The following RIMKLB variants were observed in gnomAD, a reference collection of about 807,000 sequenced individuals.
RIMKLB encodes the protein ribosomal modification protein rimK like family member B, also known as beta-citrylglutamate synthase B.
In RIMKLB, 7 loss-of-function variants were observed where a neutral mutation model predicts 32.0. The observed-to-expected ratio is 0.22, with a 90% confidence interval of 0.12 to 0.41. The LOEUF (loss-of-function observed/expected upper bound fraction) is 0.41, where lower values mean the gene tolerates loss of function less well. Ranked by LOEUF, RIMKLB falls within the 10% of genes least tolerant of loss-of-function variation. RIMKLB has a pLI of 1.00. For missense variants in RIMKLB, 289 were observed against 498.7 expected (o/e 0.58, Z 4.00); for synonymous variants, 172 against 185.1 (o/e 0.93, Z 0.57).
chr12:8,712,733 G>GTT (rs1204599466), intron 1 of RIMKLB, among the ~76,000 whole-genome samples: 1 of 152,216 alleles, frequency 6.6e-6, no homozygotes, highest in Non-Finnish European at 1.5e-5. Context: ...CGTGTGCACT[G>GTT]TGGAGCAGGC....
intron 1 of RIMKLB, among the ~76,000 whole-genome samples, chr12:8,682,772 CA>C (rs1222289479): frequency 2.5e-5 from 2 of 80,638 alleles, no homozygotes; most frequent in Admixed American, 1.4e-4. Flanking sequence ...GATTCCGCCT[CA>C]AAAAAAAATA....
chr12:8,714,968 T>C (rs1944685058), intron 2 of RIMKLB, among the ~76,000 whole-genome samples: 1 of 152,190 alleles, frequency 6.6e-6, no homozygotes, highest in Non-Finnish European at 1.5e-5. Context: ...ATTAAGGCTA[T>C]GCAAAGTACA....
At position 8,775,740 on chromosome 12, in the gene RIMKLB, TTGA is replaced by T; in HGVS notation, c.*1960_*1962del. 3 of 985,236 alleles carry T rather than the reference TTGA, an allele frequency of 3.0e-6. No individual in the cohort carries two copies. The highest frequency in any genetic ancestry group is 1.7e-5 in the African/African-American group (1 of 57,362). 61.0% of individuals were successfully genotyped at this position (985,236 alleles called of 1,614,324 possible). ...TTAAAATTGAGTGAAAGGTTGATTG[TTGA>T]TGAATAGAATAGTACCTCTCATCTG... is the stretch of plus-strand genomic sequence containing the variant. On this transcript the variant is annotated 3_prime_UTR_variant, in exon 6 of 6. Coordinates refer to ENST00000535829, the MANE Select transcript of RIMKLB (RefSeq NM_001297776.2).
At chr12:8,719,235 G>A (rs1362871711) in intron 2 of RIMKLB, among the ~76,000 whole-genome samples, 2 of 152,152 alleles carry the variant, frequency 1.3e-5, no homozygotes, top group Admixed American at 6.5e-5. Context: ...CCTGGCTTGA[G>A]AGCTCATTTC....
intron 5 of RIMKLB, 107 bp downstream of exon 5, chr12:8,754,200 G>T (rs756810168): frequency 1.3e-5 from 10 of 782,050 alleles, no homozygotes; most frequent in Non-Finnish European, 2.1e-5. Context: ...GTTGAAAAAC[G>T]TATTTCCTTT....
intron 2 of RIMKLB, among the ~76,000 whole-genome samples, chr12:8,739,076 G>T (rs781561560): frequency 1.7e-4 from 26 of 152,258 alleles, no homozygotes; most frequent in Middle Eastern, 3.4e-3. Flanking sequence ...TTCTAGAAAA[G>T]ACTTTTTTAA....
At chr12:8,741,019 C>T (rs990301518) in intron 2 of RIMKLB, among the ~76,000 whole-genome samples, 4 of 151,794 alleles carry the variant, frequency 2.6e-5, no homozygotes, top group East Asian at 2.0e-4. Context: ...CCAGCCTGGC[C>T]GATATGGTGA....
At position 8,775,913 on chromosome 12, in the gene RIMKLB, A is replaced by G. The variant is rs1477125087; in HGVS notation, c.*2129A>G. 1 of 985,062 alleles carries G rather than the reference A, an allele frequency of 1.0e-6. No individual in the cohort carries two copies. The highest frequency in any genetic ancestry group is 1.2e-6 in the Non-Finnish European group (1 of 829,680). The allele number at this position is 985,062 out of a possible 1,614,324, so 61.0% of individuals were successfully genotyped here. On this transcript the variant is annotated 3_prime_UTR_variant, in exon 6 of 6. Coordinates refer to ENST00000535829, the MANE Select transcript of RIMKLB (RefSeq NM_001297776.2). ...ATACATATATTAATACCTCTGACTC[A>G]TTAACAGAAAGAAATACTTGGTACT... is the stretch of plus-strand genomic sequence containing the variant.
chr12:8,732,922 A>G (rs750780177), intron 2 of RIMKLB, among the ~76,000 whole-genome samples: 1 of 152,300 alleles, frequency 6.6e-6, no homozygotes, highest in South Asian at 2.1e-4. Flanking sequence ...GGTATAATTC[A>G]TACAATATAC....
intron 5 of RIMKLB, 116 bp from the exon 6 acceptor site, chr12:8,773,205 T>C: frequency 1.4e-6 from 1 of 711,730 alleles, no homozygotes. Flanking sequence ...TACACTAGAA[T>C]AACGCCTTTG....
chr12:8,713,043 G>GA (rs1187182167), intron 1 of RIMKLB, among the ~76,000 whole-genome samples: 4 of 151,922 alleles, frequency 2.6e-5, no homozygotes, highest in Admixed American at 6.6e-5. Flanking sequence ...ACACCATCTG[G>GA]AAAAAAAGTC....
At chr12:8,715,246 T>TTTTTTTTTTTTTTTTTTTG (rs1555153656) in intron 2 of RIMKLB, among the ~76,000 whole-genome samples, 3 of 148,284 alleles carry the variant, frequency 2.0e-5, no homozygotes, top group African/African-American at 7.7e-5. Flanking sequence ...TTTTTTTTTT[T>TTTTTTTTTTTTTTTTTTTG]GGAGACAGGG....
At chr12:8,755,060 T>C (rs1948909319) in intron 5 of RIMKLB, among the ~76,000 whole-genome samples, 1 of 152,234 alleles carries the variant, frequency 6.6e-6, no homozygotes, top group South Asian at 2.1e-4. Context: ...CAAGTGATTC[T>C]CCTGCCTTAG....
the RIMKLB span, among the ~76,000 whole-genome samples, chr12:8,676,419 G>C: frequency 4.9e-5 from 3 of 61,264 alleles, no homozygotes; most frequent in Non-Finnish European, 8.9e-5. Context: ...TTTTTTTTGA[G>C]ACAGAGTCTT....
At chr12:8,714,583 G>GAAAGTGTCTT (rs1357911745) in intron 2 of RIMKLB, among the ~76,000 whole-genome samples, 10 of 152,154 alleles carry the variant, frequency 6.6e-5, no homozygotes, top group African/African-American at 2.4e-4. Flanking sequence ...TTTTATAGGT[G>GAAAGTGTCTT]AAAGTGTCTT....
At chr12:8,694,021 TC>T (rs1942810455), upstream of RIMKLB, among the ~76,000 whole-genome samples, 1 of 152,004 alleles carries the variant, frequency 6.6e-6, no homozygotes. Flanking sequence ...GGTGGGCGGA[TC>T]ACTTGAGGTC....
rs201556222 is a variant in RIMKLB at position 8,776,251 on chromosome 12, CATG to C, written c.*2470_*2472del. On this transcript the variant is annotated 3_prime_UTR_variant, in exon 6 of 6. Transcript: ENST00000535829. ...AGCTTTATTCACTATTATGCATTCA[CATG>C]ATATTAAAACGTACACTCACATGTT... 1,099 of 978,446 alleles carry C rather than the reference CATG, an allele frequency of 1.1e-3. 16 individuals carry two copies. The African/African-American group carries it at 0.017, about 15-fold the overall frequency. The allele number at this position is 978,446 out of a possible 1,614,324, so 60.6% of individuals were successfully genotyped here. A position where few individuals can be genotyped will look rare whatever the true frequency, so the allele number is the denominator to read the frequency against.
chr12:8,702,340 G>A (rs1029684436), intron 1 of RIMKLB, among the ~76,000 whole-genome samples: 2 of 152,160 alleles, frequency 1.3e-5, no homozygotes, highest in South Asian at 4.1e-4. Flanking sequence ...GTGAATTGAT[G>A]AGCTGGCAAA....
At chr12:8,694,708 T>G (rs1942835851), upstream of RIMKLB, among the ~76,000 whole-genome samples, 1 of 152,170 alleles carries the variant, frequency 6.6e-6, no homozygotes, top group Admixed American at 6.5e-5. Context: ...CTGTTGATTC[T>G]CATGTGTCTA....
Sources: allele counts gnomAD v4.1 joint callset (sites outside exome capture counted in the v4.1 genomes callset), GRCh38; gene constraint gnomAD v4.1.1; transcripts MANE v1.5; gene names NCBI Gene and HGNC (gene_info 2026-07-23, HGNC 2026-07-21).